CD59: variants seen among roughly 807,000 people sequenced by gnomAD.
The protein encoded by CD59 is CD59 glycoprotein.
Under a neutral mutation model 7.0 loss-of-function variants are expected in CD59, and 3 were observed. The observed-to-expected ratio is 0.43, with a 90% CI of 0.19 to 1.10. The LOEUF (loss-of-function observed/expected upper bound fraction) is 1.10. CD59 is among the 50% of genes least tolerant of loss of function. The probability of loss-of-function intolerance (pLI) is 0.29; values close to 1 mark genes in which losing one functional copy is unlikely to be tolerated. For synonymous variants in CD59, 60 were observed against 62.0 expected (o/e 0.97, Z 0.15); for missense variants, 143 against 151.0 (o/e 0.95, Z 0.28).
chr11:33,720,470 A>G (rs933803164), intron 2 of CD59, among the ~76,000 whole-genome samples: 3 of 152,228 alleles, frequency 2.0e-5, no homozygotes, highest in African/African-American at 7.2e-5. Flanking sequence ...AGGCTGAGGT[A>G]GGTGGATCAT....
chr11:33,722,577 A>G, intron 1 of CD59, 114 bp from the exon 2 acceptor site: 6 of 1,529,990 alleles, frequency 3.9e-6, no homozygotes, highest in Non-Finnish European at 3.5e-6. Context: ...TTACAGGGGG[A>G]GTCAAGGCAC....
At chr11:33,731,445 T>C (rs1854414204) in intron 1 of CD59, 1 of 152,124 alleles carries the variant, frequency 6.6e-6, no homozygotes, top group African/African-American at 2.4e-5. Context: ...AGGTCTCAAC[T>C]CCTACACCAA....
Position 33,709,496 on chromosome 11 carries a change from A to C in CD59, c.*630T>G, listed in dbSNP as rs1220268848. 1 of 161,680 alleles carries C rather than the reference A, an allele frequency of 6.2e-6. No individual in the cohort carries two copies. Among genetic ancestry groups the C allele is most frequent in the Non-Finnish European group, 1.4e-5 (1 of 72,940 alleles). The allele number at this position is 161,680 out of a possible 1,614,324, so 10.0% of individuals were successfully genotyped here. Reference sequence around the variant, plus strand: ...TTTCCAGTGGAAGATAACAAAGCCCATATAAAATTTAAAGACAGAGGAAAA... The same window carrying C: ...TTTCCAGTGGAAGATAACAAAGCCCCTATAAAATTTAAAGACAGAGGAAAA... On this transcript the variant is annotated 3_prime_UTR_variant, in exon 4 of 4. Transcript: ENST00000642928.
chr11:33,710,994 C>T (rs1002421674), intron 3 of CD59, among the ~76,000 whole-genome samples: 4 of 144,974 alleles, frequency 2.8e-5, no homozygotes, highest in East Asian at 2.1e-4. Flanking sequence ...TAAGAAATGA[C>T]GTGGGCCTTC....
chr11:33,728,804 A>AAC, intron 1 of CD59, among the ~76,000 whole-genome samples: 1 of 150,524 alleles, frequency 6.6e-6, no homozygotes, highest in Non-Finnish European at 1.5e-5. Context: ...GAATCTACAA[A>AAC]TAAACAAATT....
rs1422536955 is a variant in CD59 at position 33,703,538 on chromosome 11, T to C, written c.*6588A>G. 1 of 151,912 alleles carries C rather than the reference T, an allele frequency of 6.6e-6. No individual in the cohort carries two copies. The highest frequency in any genetic ancestry group is 2.1e-4 in the South Asian group (1 of 4,828). The allele number at this position is 151,912 out of a possible 1,614,324, so 9.4% of individuals were successfully genotyped here. On this transcript the variant is annotated 3_prime_UTR_variant, in exon 4 of 4. Transcript: ENST00000642928. ...CTCCCTGGTTTCATTTGGAACCAAC[T>C]GAGAGACACAAGTCCCTCTTCGTTG... is the stretch of plus-strand genomic sequence containing the variant.
chr11:33,711,844 G>A (rs1429436499), intron 3 of CD59, among the ~76,000 whole-genome samples: 1 of 152,196 alleles, frequency 6.6e-6, no homozygotes, highest in African/African-American at 2.4e-5. Flanking sequence ...CTAAGATCAA[G>A]AAAATGGTAA....
chr11:33,715,069 G>A (rs1303588413), intron 3 of CD59, among the ~76,000 whole-genome samples: 2 of 151,494 alleles, frequency 1.3e-5, no homozygotes, highest in East Asian at 1.9e-4. Context: ...TCAGCCTCCC[G>A]AGAGGCTGTT....
chr11:33,703,902 T>G lies in CD59; in HGVS notation c.*6224A>C, dbSNP rs969657637. 1 of 152,330 alleles carries G rather than the reference T, an allele frequency of 6.6e-6. No individual in the cohort carries two copies. The highest frequency in any genetic ancestry group is 2.4e-5 in the African/African-American group (1 of 41,544). The allele number at this position is 152,330 out of a possible 1,614,324, so 9.4% of individuals were successfully genotyped here. On this transcript the variant is annotated 3_prime_UTR_variant, in exon 4 of 4. Coordinates refer to ENST00000642928, the MANE Select transcript of CD59 (RefSeq NM_000611.6). ...CTGACTCATTGCAGTTGGCACTAAT[T>G]TTCCATTGCCACAGCCCTCTCCAGC...
Position 33,707,175 on chromosome 11 carries a change from G to C in CD59, c.*2951C>G, listed in dbSNP as rs1853343222. ...CTCAGCCCATCAAGAATCCCTCAGG[G>C]GGATCTGTTAGCATTAGTTCAGATC... On this transcript the variant is annotated 3_prime_UTR_variant, in exon 4 of 4. Transcript: ENST00000642928. 1 of 152,220 alleles carries C rather than the reference G, an allele frequency of 6.6e-6. No individual in the cohort carries two copies. Among genetic ancestry groups the C allele is most frequent in the Admixed American group, 6.5e-5 (1 of 15,288 alleles). The allele number at this position is 152,220 out of a possible 1,614,324, so 9.4% of individuals were successfully genotyped here. A position where few individuals can be genotyped will look rare whatever the true frequency, so the allele number is the denominator to read the frequency against.
At chr11:33,719,776 G>A (rs1398386888) in intron 2 of CD59, among the ~76,000 whole-genome samples, 1 of 152,232 alleles carries the variant, frequency 6.6e-6, no homozygotes, top group Non-Finnish European at 1.5e-5. Context: ...CTGTGGGCAG[G>A]GCCCCATCCA....
chr11:33,715,537 T>C (rs1411347161), intron 3 of CD59, among the ~76,000 whole-genome samples: 1 of 151,972 alleles, frequency 6.6e-6, no homozygotes, highest in Non-Finnish European at 1.5e-5. Flanking sequence ...GAGGCAGAGG[T>C]TGCAGTGAGC....
intron 1 of CD59, among the ~76,000 whole-genome samples, chr11:33,735,111 T>C (rs1421568873): frequency 6.6e-6 from 1 of 152,194 alleles, no homozygotes; most frequent in Non-Finnish European, 1.5e-5. Flanking sequence ...GCCACGTAAA[T>C]AGCCACATTT....
At position 33,705,458 on chromosome 11, in the gene CD59, G is replaced by A. The variant is rs1264615775; in HGVS notation, c.*4668C>T. On this transcript the variant is annotated 3_prime_UTR_variant, in exon 4 of 4. Coordinates refer to ENST00000642928, the MANE Select transcript of CD59 (RefSeq NM_000611.6). ...TATGGTGGTAGACACTGTCTACCTT[G>A]TTTGCTGAGTCTTCTGGCTTTCTTC... 6.6e-6 allele frequency: 1 copy of A among 152,240 alleles called. No homozygotes were observed. The highest frequency in any genetic ancestry group is 1.5e-5 in the Non-Finnish European group (1 of 68,064). 9.4% of individuals were successfully genotyped at this position (152,240 alleles called of 1,614,324 possible).
chr11:33,733,146 C>T (rs1854466547), intron 1 of CD59, among the ~76,000 whole-genome samples: 1 of 152,202 alleles, frequency 6.6e-6, no homozygotes, highest in Admixed American at 6.5e-5. Flanking sequence ...CTACCAGGAA[C>T]CTGAATGAGC....
intron 2 of CD59, among the ~76,000 whole-genome samples, chr11:33,721,944 A>AGCT (rs1854084741): frequency 6.6e-6 from 1 of 152,220 alleles, no homozygotes; most frequent in Non-Finnish European, 1.5e-5. Context: ...AGGGTTAGTT[A>AGCT]GCTGCTGCTG....
rs961625704 is a variant in CD59, at chr11:33,708,674, T to G, written c.*1452A>C. ...CAGAGAACACAGAGCACCAAGGTAA[T>G]GCTAAGTTTTGATAAGCAAGTTTCT... On this transcript the variant is annotated 3_prime_UTR_variant, in exon 4 of 4. Coordinates refer to ENST00000642928, the MANE Select transcript of CD59 (RefSeq NM_000611.6). The G allele has an allele frequency of 1.3e-5, 2 of 151,162 alleles. No homozygotes were observed. The highest frequency in any genetic ancestry group is 2.9e-5 in the Non-Finnish European group (2 of 67,946). The allele number at this position is 151,162 out of a possible 1,614,324, so 9.4% of individuals were successfully genotyped here.
At chr11:33,735,981 G>T (rs2133581271) in intron 1 of CD59, among the ~76,000 whole-genome samples, 1 of 152,182 alleles carries the variant, frequency 6.6e-6, no homozygotes, top group African/African-American at 2.4e-5. Flanking sequence ...ACCGCGAGGG[G>T]AGAGAGGAAC....
intron 1 of CD59, among the ~76,000 whole-genome samples, chr11:33,727,168 A>G (rs1854283109): frequency 1.3e-5 from 2 of 152,316 alleles, no homozygotes; most frequent in East Asian, 3.9e-4. Context: ...TCCCTAACTC[A>G]TTTTATGAGG....
Sources: gnomAD v4.1 joint callset for allele counts (sites outside exome capture counted in the v4.1 genomes callset) on GRCh38, gnomAD v4.1.1 for gene constraint, MANE v1.5 for transcripts, NCBI Gene and HGNC (gene_info 2026-07-23, HGNC 2026-07-21) for gene names.